The following EIF4G3 variants were observed in gnomAD, a reference collection of about 807,000 sequenced individuals.
The protein encoded by EIF4G3 is eukaryotic translation initiation factor 4 gamma 3, also known as eIF-4-gamma 3.
EIF4G3 carries 34 observed loss-of-function variants against 186.4 expected under a neutral mutation model. The observed-to-expected ratio is 0.18, with a 90% CI of 0.14 to 0.24. The LOEUF (loss-of-function observed/expected upper bound fraction) is 0.24, where lower values mean the gene tolerates loss of function less well. Ranked by LOEUF, EIF4G3 falls within the 10% of genes least tolerant of loss-of-function variation. The probability of loss-of-function intolerance (pLI) is 1.00; values close to 1 mark genes in which losing one functional copy is unlikely to be tolerated. For synonymous variants in EIF4G3, 673 were observed against 679.5 expected (o/e 0.99, Z 0.15); for missense variants, 1,536 against 1,948.5 (o/e 0.79, Z 3.99).
intron 17 of EIF4G3, 79 bp downstream of exon 17, chr1:20,895,289 C>A: frequency 6.8e-7 from 1 of 1,472,848 alleles, no homozygotes; most frequent in Admixed American, 2.1e-5. Flanking sequence ...AAAAACTGCT[C>A]ATACTTCACA....
intron 4 of EIF4G3, among the ~76,000 whole-genome samples, chr1:21,023,080 A>G (rs1014989420): frequency 2.6e-5 from 4 of 152,186 alleles, no homozygotes; most frequent in Admixed American, 1.3e-4. Context: ...CAATCTAACA[A>G]GTTTGTGAGT....
intron 7 of EIF4G3, among the ~76,000 whole-genome samples, chr1:20,996,872 A>AC (rs1367869142): frequency 1.3e-5 from 2 of 152,184 alleles, no homozygotes; most frequent in East Asian, 3.8e-4. Flanking sequence ...GTTTCAGAAT[A>AC]CCCCATAAAA....
At chr1:20,819,118 T>C (rs550935744) in intron 33 of EIF4G3, among the ~76,000 whole-genome samples, 1 of 152,222 alleles carries the variant, frequency 6.6e-6, no homozygotes, top group East Asian at 1.9e-4. Flanking sequence ...TGATTTAGTA[T>C]TGGTTAACTA....
chr1:20,944,644 A>G (rs747105900), intron 13 of EIF4G3, among the ~76,000 whole-genome samples: 1 of 152,214 alleles, frequency 6.6e-6, no homozygotes, highest in Non-Finnish European at 1.5e-5. Flanking sequence ...CAATTCAATT[A>G]TTAATGTTGG....
chr1:21,162,893 T>C (rs1055087140), intron 2 of EIF4G3, among the ~76,000 whole-genome samples: 1 of 152,214 alleles, frequency 6.6e-6, no homozygotes, highest in Non-Finnish European at 1.5e-5. Flanking sequence ...GTCAGTGTTG[T>C]TAAAGACCTC....
intron 4 of EIF4G3, among the ~76,000 whole-genome samples, chr1:21,028,782 T>A (rs1253469269): frequency 6.6e-6 from 1 of 152,302 alleles, no homozygotes; most frequent in East Asian, 1.9e-4. Context: ...TAAGCACAGT[T>A]CAGGATATGA....
chr1:20,984,390 A>T (rs2078970000), intron 7 of EIF4G3, among the ~76,000 whole-genome samples: 1 of 151,542 alleles, frequency 6.6e-6, no homozygotes, highest in Admixed American at 6.6e-5. Flanking sequence ...GGTCTCGAAT[A>T]CCTGACCTTG....
rs539886645 is a variant in EIF4G3, at chr1:20,863,506, G to A, written c.3006+970C>T. Among the ~76,000 whole-genome samples, 20 of 144,162 alleles carry A rather than the reference G, an allele frequency of 1.4e-4. No individual in the cohort carries two copies. The East Asian group carries it at 1.8e-3, about 13-fold the overall frequency. 94.6% of individuals were successfully genotyped at this position (144,162 alleles called of 152,430 possible). Reference sequence around the variant, plus strand: ...GTTGCCCAGCCTGGAGTGCGATGGCGCAATCTTGGCTCACTGCAACCTCTG... The same window carrying A: ...GTTGCCCAGCCTGGAGTGCGATGGCACAATCTTGGCTCACTGCAACCTCTG... On this transcript the variant is annotated intron_variant, in intron 22 of 36. Coordinates refer to ENST00000602326, the MANE Select transcript of EIF4G3 (RefSeq NM_001391906.1).
chr1:21,023,682 C>A (rs1306140185), intron 4 of EIF4G3, among the ~76,000 whole-genome samples: 1 of 151,828 alleles, frequency 6.6e-6, no homozygotes, highest in African/African-American at 2.4e-5. Flanking sequence ...GCCGCCACCC[C>A]GTCTGGGAAG....
chr1:21,052,772 G>A lies in EIF4G3; in HGVS notation c.-195-1778C>T, dbSNP rs1462635305. Among the ~76,000 whole-genome samples, 18 of 151,976 alleles carry A rather than the reference G, an allele frequency of 1.2e-4. No individual in the cohort carries two copies. The South Asian group carries it at 1.9e-3, about 16-fold the overall frequency. On this transcript the variant is annotated intron_variant, in intron 3 of 36. Coordinates refer to ENST00000602326, the MANE Select transcript of EIF4G3 (RefSeq NM_001391906.1). Reference sequence around the variant, plus strand: ...GTTCTCGTATTTTTTTGGTGGAGACGGGGTTTCGCTGTGTTGGCCGGGCTG... The same window carrying A: ...GTTCTCGTATTTTTTTGGTGGAGACAGGGTTTCGCTGTGTTGGCCGGGCTG...
intron 20 of EIF4G3, 133 bp downstream of exon 20, chr1:20,879,187 GAAT>G (rs1203530505): frequency 9.9e-6 from 6 of 607,744 alleles, no homozygotes; most frequent in Non-Finnish European, 1.3e-5. Flanking sequence ...TTAATAATGA[GAAT>G]ATTATATCAA....
chr1:21,043,631 C>T (rs565820507), intron 4 of EIF4G3, among the ~76,000 whole-genome samples: 1 of 152,286 alleles, frequency 6.6e-6, no homozygotes, highest in African/African-American at 2.4e-5. Flanking sequence ...GTGGCTCACA[C>T]CTGTAATCCT....
chr1:20,854,963 G>GAC lies in EIF4G3; in HGVS notation c.3433+13_3433+14dup, dbSNP rs768520343. ...CAAGCCACAGCCAGGTTTGAGAAGG[G>GAC]ACACACACACTTACCAGTCTCACTT... On this transcript the variant is annotated intron_variant, in intron 26 of 36. Coordinates refer to ENST00000602326, the MANE Select transcript of EIF4G3 (RefSeq NM_001391906.1). 1.6e-5 allele frequency: 25 copies of GAC among 1,606,640 alleles called. No individual in the cohort carries two copies. Among genetic ancestry groups the GAC allele is most frequent in the African/African-American group, 8.0e-5 (6 of 74,668 alleles).
intron 2 of EIF4G3, among the ~76,000 whole-genome samples, chr1:21,173,649 C>T (rs987961706): frequency 1.2e-4 from 18 of 152,178 alleles, no homozygotes; most frequent in African/African-American, 4.1e-4. Flanking sequence ...GATTACACCA[C>T]TGCACTCCAG....
chr1:21,034,117 T>C (rs2092983208), intron 4 of EIF4G3, among the ~76,000 whole-genome samples: 1 of 152,144 alleles, frequency 6.6e-6, no homozygotes, highest in Non-Finnish European at 1.5e-5. Flanking sequence ...AATTTTTTTC[T>C]GGGAATTTAT....
intron 18 of EIF4G3, among the ~76,000 whole-genome samples, chr1:20,889,456 T>C (rs567142020): frequency 4.6e-5 from 7 of 152,308 alleles, no homozygotes; most frequent in Non-Finnish European, 1.0e-4. Flanking sequence ...TTCTGTGATG[T>C]CCGCAAAAAG....
At chr1:21,158,793 A>G (rs1401619598) in intron 2 of EIF4G3, among the ~76,000 whole-genome samples, 2 of 152,134 alleles carry the variant, frequency 1.3e-5, no homozygotes, top group Non-Finnish European at 2.9e-5. Flanking sequence ...TGGGTTCCAC[A>G]AAGATAACTA....
intron 2 of EIF4G3, among the ~76,000 whole-genome samples, chr1:21,100,937 G>A (rs374534924): frequency 6.6e-6 from 1 of 151,994 alleles, no homozygotes; most frequent in Non-Finnish European, 1.5e-5. Flanking sequence ...CACCCAACCT[G>A]CTTTTTGACA....
intron 2 of EIF4G3, among the ~76,000 whole-genome samples, chr1:21,089,724 T>C (rs2096119246): frequency 1.3e-5 from 2 of 151,388 alleles, no homozygotes; most frequent in South Asian, 2.1e-4. Context: ...GTTTAACAAG[T>C]TGCAATTAGC....
Sources: gnomAD v4.1 joint callset for allele counts (sites outside exome capture counted in the v4.1 genomes callset) on GRCh38, gnomAD v4.1.1 for gene constraint, MANE v1.5 for transcripts, NCBI Gene and HGNC (gene_info 2026-07-23, HGNC 2026-07-21) for gene names.